OXR1: variants seen among roughly 807,000 people sequenced by gnomAD.
OXR1 encodes the protein oxidation resistance protein 1.
In OXR1, 41 loss-of-function variants were observed where a neutral mutation model predicts 104.6. The ratio of observed to expected loss-of-function variants is 0.39; its 90% CI spans 0.31 to 0.51. The LOEUF (loss-of-function observed/expected upper bound fraction) is 0.51. OXR1 is among the 20% of genes least tolerant of loss of function. The pLI, the probability that OXR1 is intolerant of heterozygous loss-of-function variation, is 0.77. For missense variants in OXR1, 955 were observed against 1,031.9 expected (o/e 0.93, Z 1.02); for synonymous variants, 348 against 348.4 (o/e 1.00, Z 0.01).
chr8:106,687,468 C>T (rs1362739573), intron 6 of OXR1, among the ~76,000 whole-genome samples: 1 of 152,100 alleles, frequency 6.6e-6, no homozygotes. Context: ...CGCTGGTAAT[C>T]CCAGCACTTT....
intron 7 of OXR1, among the ~76,000 whole-genome samples, chr8:106,695,876 G>A (rs1410653325): frequency 2.0e-5 from 3 of 152,030 alleles, no homozygotes; most frequent in Non-Finnish European, 4.4e-5. Flanking sequence ...GAATTGAGCA[G>A]AAATTAGAAT....
chr8:106,278,828 C>T (rs1812165318), intron 1 of OXR1, among the ~76,000 whole-genome samples: 1 of 152,058 alleles, frequency 6.6e-6, no homozygotes, highest in Admixed American at 6.5e-5. Flanking sequence ...TTTAAAATGT[C>T]TTAAAATGGG....
rs143403002 is a variant in OXR1, at chr8:106,498,026, AC to A, written c.24-20916del. Among the ~76,000 whole-genome samples the A allele has an allele frequency of 3.5e-3, 534 of 152,156 alleles. 6 individuals carry two copies. Among genetic ancestry groups the A allele is most frequent in the African/African-American group, 0.012 (492 of 41,488 alleles). On this transcript the variant is annotated intron_variant, in intron 2 of 16. Transcript: ENST00000517566. The stretch of plus-strand genomic sequence containing the variant: ...GTTCAAATGTACTGTCTCATCTCTG[AC>A]TTTTGTATGTTTGACTTTTGTCTTC...
chr8:106,271,869 C>T (rs1811828533), intron 1 of OXR1: 1 of 152,242 alleles, frequency 6.6e-6, no homozygotes, highest in East Asian at 1.9e-4. Flanking sequence ...CCTGGGAGTC[C>T]CGGCCGTCAG....
intron 3 of OXR1, among the ~76,000 whole-genome samples, chr8:106,665,815 A>C (rs12544138): frequency 0.12 from 18,719 of 152,164 alleles, 1,449 homozygotes; most frequent in East Asian, 0.34. Flanking sequence ...AAGGACAAAA[A>C]TTGGCTTTTA....
intron 1 of OXR1, among the ~76,000 whole-genome samples, chr8:106,281,374 T>C (rs1180733649): frequency 6.6e-6 from 1 of 152,138 alleles, no homozygotes; most frequent in Non-Finnish European, 1.5e-5. Context: ...GAATTTTACT[T>C]GGCAATAGAA....
intron 2 of OXR1, among the ~76,000 whole-genome samples, chr8:106,465,770 T>C (rs558964661): frequency 6.6e-6 from 1 of 152,100 alleles, no homozygotes; most frequent in African/African-American, 2.4e-5. Context: ...GTCAACATCC[T>C]TTCTCTTATA....
At chr8:106,497,946 T>A (rs532621123) in intron 2 of OXR1, among the ~76,000 whole-genome samples, 135 of 152,158 alleles carry the variant, frequency 8.9e-4, no homozygotes, top group Non-Finnish European at 1.7e-3. Flanking sequence ...TTACCATGTA[T>A]GTGTATTGCT....
intron 11 of OXR1, among the ~76,000 whole-genome samples, chr8:106,719,720 C>T (rs1184569553): frequency 2.0e-5 from 3 of 152,076 alleles, no homozygotes; most frequent in Admixed American, 6.5e-5. Context: ...GTTATTCTAC[C>T]ACTTGAATGA....
intron 7 of OXR1, among the ~76,000 whole-genome samples, chr8:106,696,109 C>T (rs922866307): frequency 2.0e-5 from 3 of 152,124 alleles, no homozygotes; most frequent in African/African-American, 4.8e-5. Flanking sequence ...CTATGCACCA[C>T]CTGTTCATCC....
intron 1 of OXR1, among the ~76,000 whole-genome samples, chr8:106,315,866 C>A (rs755256411): frequency 3.9e-5 from 6 of 152,160 alleles, no homozygotes; most frequent in Non-Finnish European, 7.3e-5. Context: ...AAATTGGAAA[C>A]AAGAGGCATG....
Position 106,364,021 on chromosome 8 carries a change from G to A in OXR1, c.23+4385G>A, listed in dbSNP as rs145390108. On this transcript the variant is annotated intron_variant, in intron 2 of 16. Transcript: ENST00000517566. ...TAGTTCCTCATAAACATCAAGTAAT[G>A]TGCTGGTAACTGGGAAATACTGCAG... Among the ~76,000 whole-genome samples the A allele has an allele frequency of 1.8e-3, 267 of 152,004 alleles. 1 individual carries two copies. The highest frequency in any genetic ancestry group is 0.017 in the Middle Eastern group (5 of 294).
intron 2 of OXR1, among the ~76,000 whole-genome samples, chr8:106,487,889 G>A (rs1251147940): frequency 6.6e-6 from 1 of 151,874 alleles, no homozygotes; most frequent in Non-Finnish European, 1.5e-5. Flanking sequence ...ACATACGTAT[G>A]CATGTGTCTT....
chr8:106,432,655 C>G (rs934013908), intron 2 of OXR1, among the ~76,000 whole-genome samples: 2 of 149,922 alleles, frequency 1.3e-5, no homozygotes, highest in Non-Finnish European at 3.0e-5. Flanking sequence ...TTTTTTTTTT[C>G]TGCAAAACTT....
chr8:106,300,049 G>A (rs1046667995), intron 1 of OXR1, among the ~76,000 whole-genome samples: 1 of 152,198 alleles, frequency 6.6e-6, no homozygotes, highest in Non-Finnish European at 1.5e-5. Context: ...TGTAAAGCAT[G>A]TCTGAGAAAT....
chr8:106,359,358 T>G, intron 1 of OXR1, 118 bp from the exon 2 acceptor site: 1 of 400,534 alleles, frequency 2.5e-6, no homozygotes, highest in Admixed American at 3.8e-5. Context: ...AAGAAAAAGA[T>G]CATATTTTTT....
chr8:106,518,248 A>G (rs148723013), intron 2 of OXR1, among the ~76,000 whole-genome samples: 1 of 152,356 alleles, frequency 6.6e-6, no homozygotes, highest in Non-Finnish European at 1.5e-5. Context: ...CCAAGGGCCA[A>G]TAGTAAATTG....
chr8:106,520,699 T>G (rs6996005), intron 3 of OXR1: 59,185 of 152,038 alleles, frequency 0.39, 14,143 homozygotes, highest in African/African-American at 0.68. Context: ...GACTAGAAAA[T>G]CTCACAAAGT....
intron 2 of OXR1, among the ~76,000 whole-genome samples, chr8:106,379,926 A>G (rs1290790395): frequency 3.3e-5 from 5 of 152,188 alleles, no homozygotes; most frequent in Non-Finnish European, 1.5e-5. Flanking sequence ...ATTTTTTAAT[A>G]TAACAGCTTT....
Sources: gnomAD v4.1 joint callset for allele counts (sites outside exome capture counted in the v4.1 genomes callset) on GRCh38, gnomAD v4.1.1 for gene constraint, MANE v1.5 for transcripts, NCBI Gene and HGNC (gene_info 2026-07-23, HGNC 2026-07-21) for gene names.